SH3RF3: variants seen among roughly 807,000 people sequenced by gnomAD.
SH3RF3 encodes SH3 domain containing ring finger 3.
In SH3RF3, 29 loss-of-function variants were observed where a neutral mutation model predicts 66.3. That is an observed-to-expected ratio of 0.44 (90% CI 0.33 to 0.60). The LOEUF (loss-of-function observed/expected upper bound fraction) is 0.60. Among genes scored for constraint, SH3RF3 ranks in the 20% least tolerant of loss-of-function variants. The pLI, the probability that SH3RF3 is intolerant of heterozygous loss-of-function variation, is 0.04. For synonymous variants in SH3RF3, 583 were observed against 532.0 expected, an observed-to-expected ratio of 1.10 and a Z score of -1.32; for missense variants, 1,194 against 1,190.9, an observed-to-expected ratio of 1.00 and a Z score of -0.04.
intron 3 of SH3RF3, among the ~76,000 whole-genome samples, chr2:109,373,726 C>T (rs930966010): frequency 2.6e-5 from 4 of 152,070 alleles, no homozygotes; most frequent in African/African-American, 9.7e-5. Flanking sequence ...ACAGATTATG[C>T]TGCTGTAAAA....
At chr2:109,350,597 C>T (rs1376622113) in intron 2 of SH3RF3, among the ~76,000 whole-genome samples, 3 of 152,176 alleles carry the variant, frequency 2.0e-5, no homozygotes, top group Admixed American at 6.5e-5. Flanking sequence ...CCTCAGTGTC[C>T]GCAAATAAAG....
chr2:109,134,803 G>A (rs572544185), intron 1 of SH3RF3, among the ~76,000 whole-genome samples: 3 of 152,308 alleles, frequency 2.0e-5, no homozygotes, highest in Admixed American at 2.0e-4. Context: ...CCTCACGGCT[G>A]CAGATGCTCT....
intron 1 of SH3RF3, among the ~76,000 whole-genome samples, chr2:109,240,273 G>GC: frequency 6.6e-6 from 1 of 152,304 alleles, no homozygotes; most frequent in Admixed American, 6.5e-5. Context: ...GCCCAGGAGG[G>GC]CAGATCACTT....
intron 5 of SH3RF3, among the ~76,000 whole-genome samples, chr2:109,429,520 C>T (rs1483016508): frequency 6.6e-6 from 1 of 152,184 alleles, no homozygotes; most frequent in Non-Finnish European, 1.5e-5. Flanking sequence ...CATCTCCCTA[C>T]GCGTTGGCCA....
intron 1 of SH3RF3, among the ~76,000 whole-genome samples, chr2:109,279,855 G>T (rs1680842046): frequency 6.6e-6 from 1 of 152,122 alleles, no homozygotes. Context: ...CTGCCCTGTA[G>T]CGAGGCTTAG....
chr2:109,418,478 C>T (rs761960938), intron 4 of SH3RF3, among the ~76,000 whole-genome samples: 3 of 152,140 alleles, frequency 2.0e-5, no homozygotes, highest in Non-Finnish European at 4.4e-5. Flanking sequence ...TGGTGGCTGC[C>T]GGCATCCTCA....
intron 8 of SH3RF3, among the ~76,000 whole-genome samples, chr2:109,487,308 G>A (rs1467332436): frequency 6.6e-6 from 1 of 152,144 alleles, no homozygotes; most frequent in Non-Finnish European, 1.5e-5. Flanking sequence ...CTGTCCATTG[G>A]CTATTCTTTC....
chr2:109,348,700 C>G (rs1325452065), intron 2 of SH3RF3, among the ~76,000 whole-genome samples: 3 of 152,150 alleles, frequency 2.0e-5, no homozygotes, highest in Non-Finnish European at 4.4e-5. Context: ...CTCTGAGAGG[C>G]TTTGTAACTT....
intron 8 of SH3RF3, among the ~76,000 whole-genome samples, chr2:109,484,131 T>C (rs1467171977): frequency 6.6e-6 from 1 of 150,662 alleles, no homozygotes; most frequent in Non-Finnish European, 1.5e-5. Flanking sequence ...TGCAGTGGCG[T>C]GATCTTGTCA....
chr2:109,355,973 T>C (rs942145382), intron 2 of SH3RF3, among the ~76,000 whole-genome samples: 6 of 152,290 alleles, frequency 3.9e-5, no homozygotes, highest in East Asian at 1.9e-4. Context: ...TGGTCCTGCA[T>C]TGGGGGTGGA....
chr2:109,280,138 C>G (rs1288937023), intron 1 of SH3RF3, among the ~76,000 whole-genome samples: 1 of 152,136 alleles, frequency 6.6e-6, no homozygotes, highest in African/African-American at 2.4e-5. Flanking sequence ...TTTCTTGCTG[C>G]AATGCTGTCA....
intron 1 of SH3RF3, among the ~76,000 whole-genome samples, chr2:109,262,370 C>T (rs1423437670): frequency 6.6e-6 from 1 of 152,168 alleles, no homozygotes; most frequent in East Asian, 1.9e-4. Flanking sequence ...GGCAGCCATG[C>T]TGATTGCAGG....
intron 1 of SH3RF3, among the ~76,000 whole-genome samples, chr2:109,192,807 T>C (rs1305295513): frequency 2.0e-5 from 3 of 152,232 alleles, no homozygotes; most frequent in South Asian, 4.1e-4. Flanking sequence ...TTGACAAATA[T>C]GAATGGTCAT....
intron 1 of SH3RF3, among the ~76,000 whole-genome samples, chr2:109,210,127 G>A (rs1432755984): frequency 1.3e-5 from 2 of 152,300 alleles, no homozygotes; most frequent in South Asian, 2.1e-4. Context: ...AGCCGCATGC[G>A]TCACAATCTC....
chr2:109,491,024 G>T, intron 9 of SH3RF3, 88 bp downstream of exon 9: 2 of 1,257,460 alleles, frequency 1.6e-6, no homozygotes, highest in Non-Finnish European at 1.0e-6. Context: ...GGACACTGTG[G>T]CCTTGCTGGG....
chr2:109,249,513 C>CTTTCTT (rs368232135), intron 1 of SH3RF3, among the ~76,000 whole-genome samples: 10 of 43,640 alleles, frequency 2.3e-4, no homozygotes, highest in South Asian at 2.3e-3. Flanking sequence ...TTCTTTCATT[C>CTTTCTT]TTTCTTTTTC....
intron 1 of SH3RF3, among the ~76,000 whole-genome samples, chr2:109,309,008 C>T (rs1681664233): frequency 1.2e-5 from 1 of 81,280 alleles, no homozygotes; most frequent in Non-Finnish European, 2.1e-5. Context: ...TGTAAATTAC[C>T]TTGGGCAGTA....
intron 9 of SH3RF3, among the ~76,000 whole-genome samples, chr2:109,497,509 T>G (rs1330293150): frequency 6.6e-6 from 1 of 152,242 alleles, no homozygotes; most frequent in East Asian, 1.9e-4. Context: ...TAGCTGTGGT[T>G]GCCATAACCT....
intron 1 of SH3RF3, among the ~76,000 whole-genome samples, chr2:109,184,404 A>G (rs1558945298): frequency 6.6e-6 from 1 of 152,212 alleles, no homozygotes; most frequent in Non-Finnish European, 1.5e-5. Context: ...TCAGGTGATG[A>G]AAGCAGATAT....
Sources: gnomAD v4.1 joint callset for allele counts (sites outside exome capture counted in the v4.1 genomes callset) on GRCh38, gnomAD v4.1.1 for gene constraint, MANE v1.5 for transcripts, NCBI Gene and HGNC (gene_info 2026-07-23, HGNC 2026-07-21) for gene names.